ADGRV1: variants seen among roughly 807,000 people sequenced by gnomAD.
ADGRV1 encodes the protein adhesion G protein-coupled receptor V1.
In ADGRV1, 359 loss-of-function variants were observed where a neutral mutation model predicts 596.2. That is an observed-to-expected ratio of 0.60 (90% CI 0.55 to 0.66). The LOEUF (loss-of-function observed/expected upper bound fraction) is 0.66, where lower values mean the gene tolerates loss of function less well. ADGRV1 is among the 30% of genes least tolerant of loss of function. ADGRV1 has a pLI of 0.00. For synonymous variants in ADGRV1, 2,681 were observed against 2,679.2 expected (o/e 1.00, Z -0.02); for missense variants, 7,274 against 7,575.6 (o/e 0.96, Z 1.48).
chr5:90,927,561 A>G (rs1176683746), intron 83 of ADGRV1, among the ~76,000 whole-genome samples: 1 of 152,164 alleles, frequency 6.6e-6, no homozygotes, highest in Non-Finnish European at 1.5e-5. Flanking sequence ...TGAATACAGC[A>G]CACTGATGGG....
chr5:90,995,134 CT>C (rs1581738844), intron 85 of ADGRV1, among the ~76,000 whole-genome samples: 2 of 152,154 alleles, frequency 1.3e-5, no homozygotes, highest in East Asian at 1.9e-4. Flanking sequence ...TTCTTTTAAG[CT>C]TTTGAGGTTT....
intron 25 of ADGRV1, among the ~76,000 whole-genome samples, chr5:90,677,068 A>G (rs1005506365): frequency 6.6e-6 from 1 of 152,128 alleles, no homozygotes; most frequent in Admixed American, 6.6e-5. Context: ...TTACCTTTAT[A>G]AGTTTGAGAA....
At chr5:91,045,927 C>T (rs1015575760) in intron 85 of ADGRV1, among the ~76,000 whole-genome samples, 1 of 151,914 alleles carries the variant, frequency 6.6e-6, no homozygotes, top group Non-Finnish European at 1.5e-5. Context: ...CTTATAATAG[C>T]TGCAAAAAAA....
At chr5:91,161,777 A>G (rs1796975904) in intron 89 of ADGRV1, among the ~76,000 whole-genome samples, 1 of 152,126 alleles carries the variant, frequency 6.6e-6, no homozygotes, top group Non-Finnish European at 1.5e-5. Context: ...TGATTTTGTC[A>G]GGGATGAGAA....
chr5:90,972,593 T>A (rs1414854953), intron 84 of ADGRV1, among the ~76,000 whole-genome samples: 1 of 152,176 alleles, frequency 6.6e-6, no homozygotes, highest in Admixed American at 6.5e-5. Context: ...AACCTGCTCC[T>A]GAATGACTAC....
chr5:90,825,763 G>A lies in ADGRV1; in HGVS notation c.16368+2167G>A, dbSNP rs1242950286. 3 of 152,278 alleles carry A rather than the reference G, an allele frequency of 2.0e-5. No homozygotes were observed. The East Asian group carries it at 5.8e-4, about 29-fold the overall frequency. The allele number at this position is 152,278 out of a possible 1,614,324, so 9.4% of individuals were successfully genotyped here. A position where few individuals can be genotyped will look rare whatever the true frequency, so the allele number is the denominator to read the frequency against. ...ATATATAATTAAGGGGTAAGAAAAT[G>A]TTGTATGCAATACATGGGATGCTAA... On this transcript the variant is annotated intron_variant, in intron 76 of 89. Coordinates refer to ENST00000405460, the MANE Select transcript of ADGRV1 (RefSeq NM_032119.4).
intron 1 of ADGRV1, among the ~76,000 whole-genome samples, chr5:90,604,381 A>T (rs1413983894): frequency 6.6e-6 from 1 of 152,206 alleles, no homozygotes; most frequent in African/African-American, 2.4e-5. Context: ...ACTGTCTTCA[A>T]TGAAGAGAAA....
At chr5:90,738,406 T>C (rs1224854014) in intron 50 of ADGRV1, among the ~76,000 whole-genome samples, 1 of 152,140 alleles carries the variant, frequency 6.6e-6, no homozygotes, top group Non-Finnish European at 1.5e-5. Context: ...CCATTCAGTT[T>C]TCTTTAAATT....
At chr5:91,094,119 T>C (rs1790637554) in intron 86 of ADGRV1, among the ~76,000 whole-genome samples, 1 of 151,988 alleles carries the variant, frequency 6.6e-6, no homozygotes, top group South Asian at 2.1e-4. Flanking sequence ...CCCAAAGTGC[T>C]GGGATTATAG....
At chr5:90,632,497 A>G (rs1765630406) in intron 9 of ADGRV1, among the ~76,000 whole-genome samples, 1 of 152,234 alleles carries the variant, frequency 6.6e-6, no homozygotes, top group Non-Finnish European at 1.5e-5. Context: ...TACCAATATC[A>G]GTATCCTCTA....
intron 15 of ADGRV1, among the ~76,000 whole-genome samples, chr5:90,645,525 T>C (rs1206834171): frequency 6.6e-6 from 1 of 152,200 alleles, no homozygotes; most frequent in Non-Finnish European, 1.5e-5. Flanking sequence ...TTATGACCCA[T>C]GCAGTTAAAA....
At chr5:90,651,011 G>GC (rs1259765185) in intron 17 of ADGRV1, among the ~76,000 whole-genome samples, 2 of 152,156 alleles carry the variant, frequency 1.3e-5, no homozygotes, top group African/African-American at 4.8e-5. Flanking sequence ...CAATAACAGT[G>GC]CCAATATACT....
At chr5:90,843,977 C>T (rs1765650151) in intron 78 of ADGRV1, among the ~76,000 whole-genome samples, 1 of 151,940 alleles carries the variant, frequency 6.6e-6, no homozygotes, top group South Asian at 2.1e-4. Context: ...GCAAAATTTA[C>T]CAAATAAAAA....
intron 82 of ADGRV1, among the ~76,000 whole-genome samples, chr5:90,857,046 A>G (rs547901194): frequency 6.6e-6 from 1 of 152,188 alleles, no homozygotes; most frequent in East Asian, 1.9e-4. Context: ...TTTATTTTAT[A>G]TAGTTATAAA....
chr5:90,976,282 CTG>C (rs1484879178), intron 84 of ADGRV1, among the ~76,000 whole-genome samples: 1 of 111,970 alleles, frequency 8.9e-6, no homozygotes, highest in Non-Finnish European at 1.9e-5. Flanking sequence ...TTACGTGTAT[CTG>C]TATGTGTGTG....
chr5:90,643,386 T>C (rs1448694136), intron 13 of ADGRV1, among the ~76,000 whole-genome samples: 1 of 152,152 alleles, frequency 6.6e-6, no homozygotes, highest in African/African-American at 2.4e-5. Context: ...ACTGAAGAAA[T>C]TTTGCTATAG....
At chr5:90,811,477 T>C (rs559179075) in intron 74 of ADGRV1, 139 bp downstream of exon 74, 1 of 783,238 alleles carries the variant, frequency 1.3e-6, no homozygotes, top group South Asian at 2.0e-5. Context: ...GTTGTTTTTC[T>C]GTAGCATGGA....
chr5:90,928,425 G>A (rs377274572), intron 83 of ADGRV1, among the ~76,000 whole-genome samples: 22 of 150,382 alleles, frequency 1.5e-4, no homozygotes, highest in South Asian at 2.1e-4. Flanking sequence ...TGATCGCATC[G>A]GCTCCTGAGG....
intron 86 of ADGRV1, among the ~76,000 whole-genome samples, chr5:91,095,842 G>A (rs1327986461): frequency 2.0e-5 from 3 of 151,784 alleles, no homozygotes; most frequent in African/African-American, 7.3e-5. Context: ...GAATGCAATG[G>A]TGCGATCTTG....
Sources: allele counts gnomAD v4.1 joint callset (sites outside exome capture counted in the v4.1 genomes callset), GRCh38; gene constraint gnomAD v4.1.1; transcripts MANE v1.5; gene names NCBI Gene and HGNC (gene_info 2026-07-23, HGNC 2026-07-21).